TRAK1: variants seen among roughly 807,000 people sequenced by gnomAD.
The protein encoded by TRAK1 is trafficking kinesin-binding protein 1.
In TRAK1, 33 loss-of-function variants were observed where a neutral mutation model predicts 92.1. The observed-to-expected ratio is 0.36, with a 90% CI of 0.27 to 0.48. The LOEUF is 0.48. Ranked by LOEUF, TRAK1 falls within the 20% of genes least tolerant of loss-of-function variation. The probability of loss-of-function intolerance (pLI) is 0.99; values close to 1 mark genes in which losing one functional copy is unlikely to be tolerated. For synonymous variants in TRAK1, 521 were observed against 517.3 expected, an observed-to-expected ratio of 1.01 and a Z score of -0.10; for missense variants, 1,123 against 1,257.9, an observed-to-expected ratio of 0.89 and a Z score of 1.62.
intron 4 of TRAK1, among the ~76,000 whole-genome samples, chr3:42,185,857 A>G (rs1704742108): frequency 6.6e-6 from 1 of 150,850 alleles, no homozygotes; most frequent in Non-Finnish European, 1.5e-5. Flanking sequence ...TATTTTTGGT[A>G]GAGACGGGGT....
chr3:42,129,227 T>G (rs1262143209), intron 2 of TRAK1, among the ~76,000 whole-genome samples: 3 of 152,038 alleles, frequency 2.0e-5, no homozygotes, highest in Non-Finnish European at 2.9e-5. Context: ...GACTCACCAG[T>G]ATGTTGTATC....
chr3:42,091,648 C>G, intron 1 of TRAK1, 88 bp downstream of exon 1: 13 of 1,324,008 alleles, frequency 9.8e-6, no homozygotes, highest in Non-Finnish European at 1.2e-5. Flanking sequence ...AGCTGTCTCT[C>G]TCTTGCTCCG....
At chr3:42,168,070 A>G (rs1028926037) in intron 2 of TRAK1, among the ~76,000 whole-genome samples, 2 of 152,246 alleles carry the variant, frequency 1.3e-5, no homozygotes, top group African/African-American at 4.8e-5. Flanking sequence ...CTAGGAAAAG[A>G]GTTCAAAGTC....
At chr3:42,065,215 G>A (rs1021273351) in intron 1 of TRAK1, among the ~76,000 whole-genome samples, 1 of 152,104 alleles carries the variant, frequency 6.6e-6, no homozygotes, top group South Asian at 2.1e-4. Context: ...TTGTGCCACC[G>A]CACTCCATCC....
chr3:42,017,576 T>C (rs539560291), intron 1 of TRAK1, among the ~76,000 whole-genome samples: 24 of 152,310 alleles, frequency 1.6e-4, no homozygotes, highest in African/African-American at 5.8e-4. Flanking sequence ...ACTTGCAGTG[T>C]TGAAAAGTGC....
In TRAK1 at chr3:42,219,502, C is replaced by A; in HGVS notation, c.1972C>A (p.Pro658Thr). The A allele has an allele frequency of 2.5e-6, 4 of 1,614,082 alleles. No homozygotes were observed. The highest frequency in any genetic ancestry group is 3.4e-6 in the Non-Finnish European group (4 of 1,180,012). ...VQHPETSAHHPGKCMSQTNST... is the reference protein window; with the variant it reads ...VQHPETSAHHTGKCMSQTNST... ...TGTTCCTCCCAATTTAGCGCACCAT[C>A]CTGGGAAGTGCATGTCTCAGACCAA... is the stretch of plus-strand genomic sequence containing the variant. The change falls in exon 15 of 16, where the codon CCT (proline) becomes ACT (threonine). Residue 658 changes from proline to threonine, a missense_variant. Pro to Thr is a conservative substitution (Grantham distance 38). Coordinates refer to ENST00000327628, the MANE Select transcript of TRAK1 (RefSeq NM_001042646.3).
chr3:42,104,276 T>C (rs1707218943), intron 1 of TRAK1, among the ~76,000 whole-genome samples: 1 of 152,170 alleles, frequency 6.6e-6, no homozygotes, highest in African/African-American at 2.4e-5. Flanking sequence ...GGGCAGGGCA[T>C]AGCTGAACAA....
At chr3:42,212,150 T>C (rs750847384) in intron 14 of TRAK1, 183 of 985,316 alleles carry the variant, frequency 1.9e-4, no homozygotes, top group Non-Finnish European at 2.2e-4. Flanking sequence ...CCCAAGTAGC[T>C]CTATGCCTGC....
intron 1 of TRAK1, among the ~76,000 whole-genome samples, chr3:42,103,507 C>T (rs1707091456): frequency 6.6e-6 from 1 of 152,158 alleles, no homozygotes; most frequent in Non-Finnish European, 1.5e-5. Flanking sequence ...AAGATTTCTA[C>T]TGTCATTGTT....
At chr3:42,043,008 G>T (rs1416842879) in intron 1 of TRAK1, among the ~76,000 whole-genome samples, 1 of 152,134 alleles carries the variant, frequency 6.6e-6, no homozygotes, top group African/African-American at 2.4e-5. Context: ...CCTTTGTAGA[G>T]AATACTTTGG....
chr3:42,184,343 A>G (rs1202703681), intron 3 of TRAK1, among the ~76,000 whole-genome samples: 1 of 152,264 alleles, frequency 6.6e-6, no homozygotes, highest in Non-Finnish European at 1.5e-5. Flanking sequence ...CCCAGCCCTC[A>G]GGTGGAGAGA....
rs111316850 is a variant in TRAK1 at position 42,042,783 on chromosome 3, A to G, written c.-519+28666A>G. Among the ~76,000 whole-genome samples the G allele has an allele frequency of 2.4e-3, 373 of 152,296 alleles. 4 individuals carry two copies. Among genetic ancestry groups the G allele is most frequent in the African/African-American group, 8.1e-3 (338 of 41,564 alleles). On this transcript the variant is annotated intron_variant, in intron 1 of 16. Coordinates refer to the TRAK1 transcript ENST00000487159. Reference sequence around the variant, plus strand: ...ACGATTGCTTCACAGTGTATGCTCCAGGATGGAATACAGTTCTTAATGTAG... The same window carrying G: ...ACGATTGCTTCACAGTGTATGCTCCGGGATGGAATACAGTTCTTAATGTAG...
chr3:42,183,743 A>G (rs1704378611), intron 3 of TRAK1, among the ~76,000 whole-genome samples: 1 of 152,252 alleles, frequency 6.6e-6, no homozygotes, highest in Middle Eastern at 3.4e-3. Flanking sequence ...CCAGATGAGC[A>G]GAGTAATTAG....
chr3:42,085,170 A>T (rs1262353320), upstream of TRAK1, among the ~76,000 whole-genome samples: 7 of 150,766 alleles, frequency 4.6e-5, no homozygotes, highest in African/African-American at 1.7e-4. Context: ...AAAAAAAATC[A>T]TTTTTTTTTC....
intron 13 of TRAK1, among the ~76,000 whole-genome samples, chr3:42,207,821 C>T (rs917585730): frequency 3.9e-5 from 6 of 152,192 alleles, no homozygotes; most frequent in African/African-American, 1.4e-4. Context: ...ATTCTCGAAA[C>T]ATCTGAGAGT....
intron 1 of TRAK1, among the ~76,000 whole-genome samples, chr3:42,078,129 G>A (rs1249414348): frequency 6.6e-6 from 1 of 152,152 alleles, no homozygotes; most frequent in African/African-American, 2.4e-5. Context: ...TGACCTTCTG[G>A]GGCAAAGGGT....
intron 1 of TRAK1, among the ~76,000 whole-genome samples, chr3:42,069,660 G>T (rs1182702328): frequency 6.6e-6 from 1 of 152,126 alleles, no homozygotes; most frequent in Admixed American, 6.6e-5. Context: ...GTGATTCTCT[G>T]CAGTGTTACT....
intron 14 of TRAK1, chr3:42,211,853 A>G (rs575671822): frequency 1.0e-6 from 1 of 985,400 alleles, no homozygotes; most frequent in South Asian, 4.7e-5. Context: ...ACGTTATTTG[A>G]CGAGGGGCAT....
At chr3:42,088,025 C>T (rs1161084277), upstream of TRAK1, among the ~76,000 whole-genome samples, 1 of 152,168 alleles carries the variant, frequency 6.6e-6, no homozygotes, top group African/African-American at 2.4e-5. Flanking sequence ...CAAGAGAGGG[C>T]TCTCAATGGA....
Sources: allele counts gnomAD v4.1 joint callset (sites outside exome capture counted in the v4.1 genomes callset), GRCh38; gene constraint gnomAD v4.1.1; transcripts MANE v1.5; gene names NCBI Gene and HGNC (gene_info 2026-07-23, HGNC 2026-07-21).